SEMA4F: variants seen among roughly 807,000 people sequenced by gnomAD.
The protein encoded by SEMA4F is semaphorin-4F.
In SEMA4F, 51 loss-of-function variants were observed where a neutral mutation model predicts 78.4. The ratio of observed to expected loss-of-function variants is 0.65; its 90% CI spans 0.52 to 0.82. The LOEUF (loss-of-function observed/expected upper bound fraction) is 0.82, where lower values mean the gene tolerates loss of function less well. Ranked by LOEUF, SEMA4F falls within the 40% of genes least tolerant of loss-of-function variation. The probability of loss-of-function intolerance (pLI) is 0.00; values close to 1 mark genes in which losing one functional copy is unlikely to be tolerated. For missense variants in SEMA4F, 938 were observed against 1,014.4 expected, an observed-to-expected ratio of 0.92 and a Z score of 1.02; for synonymous variants, 418 against 408.7, an observed-to-expected ratio of 1.02 and a Z score of -0.27.
the SEMA4F span, among the ~76,000 whole-genome samples, chr2:74,696,517 C>A: frequency 0.029 from 4,391 of 152,164 alleles, 88 homozygotes; most frequent in Non-Finnish European, 0.046. Flanking sequence ...TTATTAATTT[C>A]TTCTGTACCC....
intron 5 of SEMA4F, among the ~76,000 whole-genome samples, chr2:74,666,307 T>G (rs1684695848): frequency 6.6e-6 from 1 of 152,216 alleles, no homozygotes; most frequent in African/African-American, 2.4e-5. Context: ...GAATACAAAT[T>G]TCCAGTTTTA....
chr2:74,682,829 C>T lies in SEMA4F; in HGVS notation c.*2620C>T, dbSNP rs926899715. 4 of 152,220 alleles carry T rather than the reference C, an allele frequency of 2.6e-5. No individual in the cohort carries two copies. The highest frequency in any genetic ancestry group is 1.3e-4 in the Admixed American group (2 of 15,280). The allele number at this position is 152,220 out of a possible 1,614,324, so 9.4% of individuals were successfully genotyped here. On this transcript the variant is annotated 3_prime_UTR_variant, in exon 14 of 14. Transcript: ENST00000357877. Reference sequence around the variant, plus strand: ...TCTTATACTCTGGGCCACTATCTGCCTGCTCTAATCACCTAGGGCCAGGCA... The same window carrying T: ...TCTTATACTCTGGGCCACTATCTGCTTGCTCTAATCACCTAGGGCCAGGCA...
Position 74,673,455 on chromosome 2 carries a change from AG to A in SEMA4F, c.556del, listed in dbSNP as rs749720924. On this transcript the variant is annotated splice_acceptor_variant, in intron 5 of 13. Coordinates refer to ENST00000357877, the MANE Select transcript of SEMA4F (RefSeq NM_004263.5). LOFTEE classifies it high-confidence loss of function. ...GCCCATCTCCTCCCTGTCGCCCTGC[AG>A]GGGGGGTCCTCTATGCTGCCACTGT... 15 of 1,613,654 alleles carry A rather than the reference AG, an allele frequency of 9.3e-6. No homozygotes were observed. The highest frequency in any genetic ancestry group is 2.7e-5 in the African/African-American group (2 of 74,836).
At chr2:74,690,322 T>C in the SEMA4F span, among the ~76,000 whole-genome samples, 18 of 152,222 alleles carry the variant, frequency 1.2e-4, no homozygotes, top group Non-Finnish European at 2.4e-4. Context: ...CTGTTAGCAA[T>C]GGTCACCCCT....
chr2:74,675,457 C>T, intron 10 of SEMA4F, 68 bp from the exon 11 acceptor site: 2 of 1,589,704 alleles, frequency 1.3e-6, no homozygotes, highest in Non-Finnish European at 1.7e-6. Context: ...TACTGTAATA[C>T]ATATAGGTCT....
At chr2:74,669,997 T>C (rs1684900783) in intron 5 of SEMA4F, among the ~76,000 whole-genome samples, 3 of 152,170 alleles carry the variant, frequency 2.0e-5, no homozygotes, top group Admixed American at 6.5e-5. Context: ...TTTTAAAAAA[T>C]AAAAATAGGG....
intron 7 of SEMA4F, among the ~76,000 whole-genome samples, chr2:74,674,029 T>C (rs182084202): frequency 6.6e-6 from 1 of 152,200 alleles, no homozygotes; most frequent in African/African-American, 2.4e-5. Flanking sequence ...TGTGACACAC[T>C]GTCTACAGTG....
chr2:74,697,422 C>A, the SEMA4F span, among the ~76,000 whole-genome samples: 1 of 152,142 alleles, frequency 6.6e-6, no homozygotes, highest in Non-Finnish European at 1.5e-5. Context: ...GTGATCAATT[C>A]TAATTTTATC....
At chr2:74,690,419 G>A in the SEMA4F span, among the ~76,000 whole-genome samples, 3 of 152,264 alleles carry the variant, frequency 2.0e-5, no homozygotes, top group Non-Finnish European at 4.4e-5. Context: ...GGAGGAGGAC[G>A]ATGAAGAGGT....
At position 74,680,354 on chromosome 2, in the gene SEMA4F, C is replaced by A; in HGVS notation, c.*145C>A. On this transcript the variant is annotated 3_prime_UTR_variant, in exon 14 of 14. Transcript: ENST00000357877. Reference sequence around the variant, plus strand: ...GATTACTTGGATTTTAGTATCTGTTCTCTCTGAGCCTGGATGGGCTTGGGG... The same window carrying A: ...GATTACTTGGATTTTAGTATCTGTTATCTCTGAGCCTGGATGGGCTTGGGG... 1 of 933,848 alleles carries A rather than the reference C, an allele frequency of 1.1e-6. No individual in the cohort carries two copies. The highest frequency in any genetic ancestry group is 1.5e-6 in the Non-Finnish European group (1 of 646,424). 57.8% of individuals were successfully genotyped at this position (933,848 alleles called of 1,614,324 possible).
Position 74,680,519 on chromosome 2 carries a change from GGGGCACA to G in SEMA4F, c.*316_*322del. The G allele has an allele frequency of 3.7e-6, 1 of 266,950 alleles. No homozygotes were observed. The highest frequency in any genetic ancestry group is 7.1e-6 in the Non-Finnish European group (1 of 141,124). The allele number at this position is 266,950 out of a possible 1,614,324, so 16.5% of individuals were successfully genotyped here. On this transcript the variant is annotated 3_prime_UTR_variant, in exon 14 of 14. Transcript: ENST00000357877. ...TCTTGGGCCCATTAGTTTTGGGGAT[GGGGCACA>G]GGGCATAGCTATGACTTTGCTTTCT...
intron 12 of SEMA4F, 95 bp from the exon 13 acceptor site, chr2:74,679,181 T>C (rs528976535): frequency 2.7e-4 from 261 of 965,610 alleles, no homozygotes; most frequent in Non-Finnish European, 3.8e-4. Context: ...TCTGGGATGA[T>C]GGGAGATATA....
intron 4 of SEMA4F, among the ~76,000 whole-genome samples, chr2:74,660,480 A>G (rs1410870679): frequency 6.6e-6 from 1 of 152,202 alleles, no homozygotes; most frequent in Non-Finnish European, 1.5e-5. Flanking sequence ...ACCAGTTCCA[A>G]CCCATAGCTC....
chr2:74,675,132 A>G (rs369789049), intron 9 of SEMA4F, 30 bp from the exon 10 acceptor site: 110 of 1,613,722 alleles, frequency 6.8e-5, no homozygotes, highest in Non-Finnish European at 8.9e-5. Context: ...TTCCTGGGAA[A>G]CTTTGTCACC....
chr2:74,695,401 T>C, the SEMA4F span, among the ~76,000 whole-genome samples: 1 of 152,234 alleles, frequency 6.6e-6, no homozygotes, highest in Non-Finnish European at 1.5e-5. Context: ...CTCCCCTGTC[T>C]GGACTTTTGT....
At chr2:74,704,764 G>A in the SEMA4F span, among the ~76,000 whole-genome samples, 4 of 152,112 alleles carry the variant, frequency 2.6e-5, no homozygotes, top group African/African-American at 9.6e-5. Context: ...GTTGCCCTCC[G>A]AATGGTCACT....
At chr2:74,665,999 A>T (rs534686092) in intron 5 of SEMA4F, among the ~76,000 whole-genome samples, 1 of 150,456 alleles carries the variant, frequency 6.6e-6, no homozygotes, top group East Asian at 1.9e-4. Flanking sequence ...CCTTCGTCTC[A>T]CAGGTTCAAG....
downstream of SEMA4F, among the ~76,000 whole-genome samples, chr2:74,685,526 A>T (rs766761671): frequency 2.6e-5 from 4 of 151,976 alleles, no homozygotes; most frequent in Non-Finnish European, 4.4e-5. Context: ...TTTAGCTCCA[A>T]TCCGGGAATC....
At chr2:74,702,295 A>G in the SEMA4F span, among the ~76,000 whole-genome samples, 1 of 152,036 alleles carries the variant, frequency 6.6e-6, no homozygotes, top group Non-Finnish European at 1.5e-5. Context: ...GATGACCAAA[A>G]CTTAACTCCT....
Sources: allele counts gnomAD v4.1 joint callset (sites outside exome capture counted in the v4.1 genomes callset), GRCh38; gene constraint gnomAD v4.1.1; transcripts MANE v1.5; gene names NCBI Gene and HGNC (gene_info 2026-07-23, HGNC 2026-07-21).